URGCP: variants seen among roughly 807,000 people sequenced by gnomAD.
URGCP encodes the protein up-regulator of cell proliferation.
In URGCP, 13 loss-of-function variants were observed where a neutral mutation model predicts 24.6. The observed-to-expected ratio is 0.53, with a 90% CI of 0.34 to 0.84. URGCP has a LOEUF of 0.84. Among genes scored for constraint, URGCP ranks in the 40% least tolerant of loss-of-function variants. The probability of loss-of-function intolerance (pLI) is 0.01; values close to 1 mark genes in which losing one functional copy is unlikely to be tolerated. For missense variants in URGCP, 899 were observed against 1,194.3 expected (o/e 0.75, Z 3.64); for synonymous variants, 444 against 487.2 (o/e 0.91, Z 1.17).
intron 1 of URGCP, among the ~76,000 whole-genome samples, chr7:43,918,516 A>G (rs182182765): frequency 6.6e-6 from 1 of 151,996 alleles, no homozygotes; most frequent in Admixed American, 6.6e-5. Context: ...CCTGACCTCA[A>G]GTGATCCGCC....
chr7:43,887,053 A>G (rs1347275937), intron 3 of URGCP, among the ~76,000 whole-genome samples: 1 of 152,190 alleles, frequency 6.6e-6, no homozygotes, highest in Admixed American at 6.5e-5. Flanking sequence ...AAGATAAACT[A>G]TACAGTCACC....
At chr7:43,891,929 G>C (rs2095871388) in intron 1 of URGCP, among the ~76,000 whole-genome samples, 1 of 152,002 alleles carries the variant, frequency 6.6e-6, no homozygotes, top group African/African-American at 2.4e-5. Context: ...TTACAGCCAT[G>C]TGCCACCATG....
Position 43,879,118 on chromosome 7 carries a change from G to A in URGCP, c.345C>T (p.Pro115=). Residue 115 remains proline (P), a synonymous_variant, in exon 6 of 6, where the codon CCC becomes CCT. Transcript: ENST00000453200. The part of the protein sequence containing the change: ...NWAPQVPKDL[P]WNFLRKLQAL... ...CCTGCAACTTCCTGAGGAAATTCCA[G>A]GGCAAGTCTTTGGGAACCTGAGGGG... is the stretch of plus-strand genomic sequence containing the variant. The A allele has an allele frequency of 6.2e-7, 1 of 1,614,188 alleles. No homozygotes were observed. The highest frequency in any genetic ancestry group is 8.5e-7 in the Non-Finnish European group (1 of 1,180,040).
chr7:43,889,819 C>A (rs757370578), intron 1 of URGCP, among the ~76,000 whole-genome samples: 15 of 152,198 alleles, frequency 9.9e-5, no homozygotes, highest in Admixed American at 4.6e-4. Context: ...ACTGTACACA[C>A]CCTACTTCAC....
chr7:43,899,587 T>C (rs990682461), intron 1 of URGCP, among the ~76,000 whole-genome samples: 2 of 152,044 alleles, frequency 1.3e-5, no homozygotes, highest in Admixed American at 6.6e-5. Flanking sequence ...AATAATTAAA[T>C]AGTCTAAAAT....
chr7:43,887,070 A>G (rs1294662123), intron 3 of URGCP, among the ~76,000 whole-genome samples: 1 of 152,212 alleles, frequency 6.6e-6, no homozygotes, highest in Non-Finnish European at 1.5e-5. Flanking sequence ...CACCTTAACT[A>G]TGACCTACAA....
chr7:43,903,133 A>G (rs1044626973), intron 1 of URGCP, among the ~76,000 whole-genome samples: 18 of 151,750 alleles, frequency 1.2e-4, no homozygotes, highest in African/African-American at 1.7e-4. Flanking sequence ...AAAAAAAAAA[A>G]AAAGAGAGAG....
At chr7:43,911,051 T>C (rs1183791295), upstream of URGCP, among the ~76,000 whole-genome samples, 1 of 152,070 alleles carries the variant, frequency 6.6e-6, no homozygotes, top group Non-Finnish European at 1.5e-5. Context: ...CTTTCAATAA[T>C]AGTACAATCA....
At chr7:43,885,616 T>G (rs1312723664) in intron 3 of URGCP, among the ~76,000 whole-genome samples, 1 of 152,154 alleles carries the variant, frequency 6.6e-6, no homozygotes, top group Non-Finnish European at 1.5e-5. Context: ...TTTCCTCAAA[T>G]GAAACAGGGA....
chr7:43,878,970 C>G lies in URGCP; in HGVS notation c.493G>C (p.Ala165Pro). The G allele has an allele frequency of 6.2e-7, 1 of 1,614,254 alleles. No individual in the cohort carries two copies. Among genetic ancestry groups the G allele is most frequent in the African/African-American group, 1.3e-5 (1 of 75,060 alleles). ...IIYWDPADDL[A>P]ADIYSFSELP... ...TCAGAAAAGGAATAAATGTCGGCAG[C>G]AAGGTCATCAGCTGGGTCCCAGTAG... The change falls in exon 6 of 6, where the codon GCT (alanine) becomes CCT (proline). Residue 165 changes from alanine to proline, a missense_variant. Coordinates refer to ENST00000453200, the MANE Select transcript of URGCP (RefSeq NM_001077663.3). This position sits in a 1 kb window ranked among gnomAD's most constrained non-coding sequence, Gnocchi z 5.6.
At chr7:43,925,021 G>A (rs532399738) in intron 1 of URGCP, among the ~76,000 whole-genome samples, 1 of 152,268 alleles carries the variant, frequency 6.6e-6, no homozygotes, top group South Asian at 2.1e-4. Flanking sequence ...ACCTCCCAAA[G>A]TGCTGGGATT....
intron 1 of URGCP, among the ~76,000 whole-genome samples, chr7:43,892,544 C>T (rs1269868234): frequency 1.3e-5 from 2 of 152,136 alleles, no homozygotes; most frequent in African/African-American, 4.8e-5. Flanking sequence ...ATGGCTTTCT[C>T]CCCTCTGGGT....
chr7:43,899,356 T>C (rs2095885419), intron 1 of URGCP, among the ~76,000 whole-genome samples: 1 of 150,744 alleles, frequency 6.6e-6, no homozygotes, highest in African/African-American at 2.4e-5. Context: ...TGGGATCATG[T>C]GATCCATCTG....
At position 43,914,956 on chromosome 7, in the gene URGCP, G is replaced by A. The variant is rs559868783; in HGVS notation, c.-116+11176C>T. The stretch of plus-strand genomic sequence containing the variant: ...CACAAATGCAGTAAGGGAAATCAAT[G>A]TGGAGTGGCTCAGACTAACGGCCCG... On this transcript the variant is annotated intron_variant, in intron 1 of 5. Transcript: ENST00000426198. Among the ~76,000 whole-genome samples the A allele has an allele frequency of 7.9e-5, 12 of 152,306 alleles. No individual in the cohort carries two copies. In the South Asian group the frequency reaches 2.3e-3, roughly 29 times the overall value.
chr7:43,883,356 ATATATATT>A (rs1175043481), intron 3 of URGCP, among the ~76,000 whole-genome samples: 3 of 96,838 alleles, frequency 3.1e-5, no homozygotes, highest in East Asian at 2.2e-4. Flanking sequence ...ATATATATAT[ATATATATT>A]TTTTTTTTTT....
chr7:43,911,403 T>C (rs2095909929), upstream of URGCP, among the ~76,000 whole-genome samples: 1 of 148,652 alleles, frequency 6.7e-6, no homozygotes, highest in Admixed American at 6.7e-5. Flanking sequence ...CCATCTCAAA[T>C]AAATAAATAG....
At chr7:43,887,203 C>T (rs906846356) in intron 3 of URGCP, among the ~76,000 whole-genome samples, 1 of 152,114 alleles carries the variant, frequency 6.6e-6, no homozygotes, top group Admixed American at 6.6e-5. Flanking sequence ...ATAAAAAAAA[C>T]AAACAAAAAA....
Position 43,879,046 on chromosome 7 carries a change from G to A in URGCP, c.417C>T (p.Leu139=). ...CCTTCTCCACAGGCCTGGCGTCTGGGAGCACGTCCAGCACCATAGTGGTAT... is the reference window on the plus strand; with the variant it reads ...CCTTCTCCACAGGCCTGGCGTCTGGAAGCACGTCCAGCACCATAGTGGTAT... ...ARNTTMVLDV[L]PDARPVEKES... is the part of the protein sequence containing the mutation. The change falls in exon 6 of 6, where the codon CTC becomes CTT. Residue 139 remains leucine, a synonymous_variant. Transcript: ENST00000453200. The A allele has an allele frequency of 1.2e-6, 2 of 1,614,164 alleles. No homozygotes were observed. The highest frequency in any genetic ancestry group is 1.7e-6 in the Non-Finnish European group (2 of 1,180,028).
Position 43,876,961 on chromosome 7 carries a change from G to T in URGCP, c.2502C>A (p.Asp834Glu). 1 of 1,614,160 alleles carries T rather than the reference G, an allele frequency of 6.2e-7. No individual in the cohort carries two copies. Among genetic ancestry groups the T allele is most frequent in the East Asian group, 2.2e-5 (1 of 44,886 alleles). ...DVSVPGPRPRDKRQLLDPPGD... is the reference protein window; with the variant it reads ...DVSVPGPRPREKRQLLDPPGD... ...CAGGTGGATCCAGGAGCTGTCTCTT[G>T]TCTCTGGGCCTAGGGCCGGGAACAG... Residue 834 changes from aspartate to glutamate, a missense_variant, in exon 6 of 6, where the codon GAC (aspartate) becomes GAA (glutamate). Transcript: ENST00000453200.
Sources: allele counts gnomAD v4.1 joint callset (sites outside exome capture counted in the v4.1 genomes callset), GRCh38; gene constraint gnomAD v4.1.1; non-coding constraint Gnocchi (gnomAD v3.1); transcripts MANE v1.5; gene names NCBI Gene and HGNC (gene_info 2026-07-23, HGNC 2026-07-21).